Variants in CRTAC1 observed in about 807,000 individuals in gnomAD.
The protein encoded by CRTAC1 is acidic secreted protein in cartilage.
CRTAC1 carries 37 observed loss-of-function variants against 67.8 expected under a neutral mutation model. That is an observed-to-expected ratio of 0.55 (90% confidence interval 0.42 to 0.72). The LOEUF (loss-of-function observed/expected upper bound fraction) is 0.72, where lower values mean the gene tolerates loss of function less well. CRTAC1 is among the 30% of genes least tolerant of loss of function. The probability of loss-of-function intolerance (pLI) is 0.00; values close to 1 mark genes in which losing one functional copy is unlikely to be tolerated. For missense variants in CRTAC1, 780 were observed against 931.6 expected, an observed-to-expected ratio of 0.84 and a Z score of 2.12; for synonymous variants, 348 against 371.0, an observed-to-expected ratio of 0.94 and a Z score of 0.71.
intron 2 of CRTAC1, among the ~76,000 whole-genome samples, chr10:97,974,316 G>C (rs151242021): frequency 1.3e-5 from 2 of 152,152 alleles, no homozygotes; most frequent in Non-Finnish European, 2.9e-5. Flanking sequence ...CCCCTGCTGC[G>C]TAACAGGCGG....
At chr10:97,954,838 T>C (rs2051416630) in intron 2 of CRTAC1, among the ~76,000 whole-genome samples, 1 of 152,208 alleles carries the variant, frequency 6.6e-6, no homozygotes, top group Admixed American at 6.5e-5. Context: ...TTCTACCTTC[T>C]GGGGGCTGCA....
chr10:97,994,370 A>T (rs1467327286), intron 2 of CRTAC1, among the ~76,000 whole-genome samples: 1 of 152,136 alleles, frequency 6.6e-6, no homozygotes, highest in Non-Finnish European at 1.5e-5. Flanking sequence ...ACAGCACCAG[A>T]TAGGGTGCTC....
At chr10:97,934,694 G>A (rs2051055334) in intron 3 of CRTAC1, among the ~76,000 whole-genome samples, 1 of 152,184 alleles carries the variant, frequency 6.6e-6, no homozygotes, top group Non-Finnish European at 1.5e-5. Flanking sequence ...GCCTCCAGGA[G>A]GTTGGGAGGT....
chr10:97,880,418 C>G, intron 13 of CRTAC1, 26 bp from the exon 14 acceptor site: 1 of 1,606,562 alleles, frequency 6.2e-7, no homozygotes, highest in Non-Finnish European at 8.5e-7. Flanking sequence ...AACCACTCAC[C>G]ATGAAGGTGT....
chr10:97,866,747 T>C (rs1411662727), intron 14 of CRTAC1: 1 of 152,208 alleles, frequency 6.6e-6, no homozygotes, highest in Admixed American at 6.5e-5. Context: ...AGTGCATGCA[T>C]GTGCATGAAC....
chr10:97,960,957 C>T (rs2051515638), intron 2 of CRTAC1, among the ~76,000 whole-genome samples: 1 of 152,190 alleles, frequency 6.6e-6, no homozygotes, highest in Non-Finnish European at 1.5e-5. Flanking sequence ...ACTCACTGTT[C>T]TTTAATTTTC....
intron 2 of CRTAC1, among the ~76,000 whole-genome samples, chr10:97,982,319 G>A (rs1351874294): frequency 1.3e-5 from 2 of 152,162 alleles, no homozygotes; most frequent in Non-Finnish European, 2.9e-5. Context: ...AGTCAAACAA[G>A]GTTGGGTTTC....
chr10:97,880,068 G>C (rs2050192111), intron 14 of CRTAC1, among the ~76,000 whole-genome samples, 181 bp downstream of exon 14: 1 of 152,186 alleles, frequency 6.6e-6, no homozygotes, highest in African/African-American at 2.4e-5. Context: ...GATGGTAGAA[G>C]TGATGGGGCT....
intron 1 of CRTAC1, among the ~76,000 whole-genome samples, chr10:98,027,179 A>G (rs1843252678): frequency 6.6e-6 from 1 of 151,704 alleles, no homozygotes. Flanking sequence ...AAAAAAAAAA[A>G]AGAGAACAAA....
intron 7 of CRTAC1, 84 bp from the exon 8 acceptor site, chr10:97,901,723 A>G: frequency 6.5e-7 from 1 of 1,533,250 alleles, no homozygotes; most frequent in Non-Finnish European, 8.9e-7. Flanking sequence ...TGTGGGGGCA[A>G]TTAAAAATAA....
intron 2 of CRTAC1, among the ~76,000 whole-genome samples, chr10:97,990,293 C>T (rs1842418084): frequency 2.6e-5 from 4 of 152,302 alleles, no homozygotes; most frequent in Non-Finnish European, 4.4e-5. Context: ...CTTATAAATG[C>T]TACTATAGCG....
intron 13 of CRTAC1, 127 bp downstream of exon 13, chr10:97,882,659 A>G: frequency 1.0e-6 from 1 of 963,560 alleles, no homozygotes; most frequent in Non-Finnish European, 1.6e-6. Flanking sequence ...CCCAGGACAA[A>G]CAACACCCTC....
intron 2 of CRTAC1, among the ~76,000 whole-genome samples, chr10:97,994,485 G>C (rs1842518475): frequency 6.6e-6 from 1 of 152,130 alleles, no homozygotes; most frequent in Non-Finnish European, 1.5e-5. Flanking sequence ...GGACATATTA[G>C]AGGCATATGC....
At chr10:97,986,188 G>C (rs2051980170) in intron 2 of CRTAC1, among the ~76,000 whole-genome samples, 2 of 152,154 alleles carry the variant, frequency 1.3e-5, no homozygotes, top group African/African-American at 4.8e-5. Context: ...GCAGGGACTG[G>C]GCTCCCAAAC....
At chr10:97,931,360 T>C (rs2051001143) in intron 3 of CRTAC1, among the ~76,000 whole-genome samples, 1 of 152,218 alleles carries the variant, frequency 6.6e-6, no homozygotes, top group Non-Finnish European at 1.5e-5. Flanking sequence ...ATGCCTGCAA[T>C]TGTGGGAAAT....
chr10:97,960,754 A>C (rs1295518611), intron 2 of CRTAC1, among the ~76,000 whole-genome samples: 1 of 152,230 alleles, frequency 6.6e-6, no homozygotes, highest in Non-Finnish European at 1.5e-5. Flanking sequence ...TATTCAATGT[A>C]AAATGTGTAG....
intron 2 of CRTAC1, among the ~76,000 whole-genome samples, chr10:97,984,030 CAGCCCA>C (rs2051940454): frequency 6.6e-6 from 1 of 152,226 alleles, no homozygotes; most frequent in South Asian, 2.1e-4. Context: ...TTTTAGATTT[CAGCCCA>C]TCCTTGGGCA....
intron 3 of CRTAC1, among the ~76,000 whole-genome samples, chr10:97,926,455 C>G (rs2050920153): frequency 6.6e-6 from 1 of 152,186 alleles, no homozygotes; most frequent in Non-Finnish European, 1.5e-5. Flanking sequence ...ACAGCCCCTC[C>G]TCAAAATTCC....
Position 98,030,431 on chromosome 10 carries a change from A to G in CRTAC1, c.24+18T>C. On this transcript the variant is annotated intron_variant, in intron 1 of 14. Coordinates refer to ENST00000370597, the MANE Select transcript of CRTAC1 (RefSeq NM_018058.7). This position sits in a 1 kb window ranked among gnomAD's most constrained non-coding sequence, Gnocchi z 4.2. ...CTTTCTCCGCCTTAGGGTGGGGGGC[A>G]CCGGTGCAGATACTCACGCCGGGGT... 3 of 1,246,304 alleles carry G rather than the reference A, an allele frequency of 2.4e-6. No homozygotes were observed. Among genetic ancestry groups the G allele is most frequent in the Non-Finnish European group, 3.0e-6 (3 of 985,976 alleles). The allele number at this position is 1,246,304 out of a possible 1,614,324, so 77.2% of individuals were successfully genotyped here. A position where few individuals can be genotyped will look rare whatever the true frequency, so the allele number is the denominator to read the frequency against.
Sources: gnomAD v4.1 joint callset for allele counts (sites outside exome capture counted in the v4.1 genomes callset) on GRCh38, gnomAD v4.1.1 for gene constraint, Gnocchi (gnomAD v3.1) non-coding constraint, MANE v1.5 for transcripts, NCBI Gene and HGNC (gene_info 2026-07-23, HGNC 2026-07-21) for gene names.